SALL1: variants seen among roughly 807,000 people sequenced by gnomAD.
SALL1 encodes the protein spalt like transcription factor 1, also known as sal-like protein 1.
Under a neutral mutation model 73.1 loss-of-function variants are expected in SALL1, and 10 were observed. That is an observed-to-expected ratio of 0.14 (90% CI 0.08 to 0.23). The LOEUF is 0.23. SALL1 is among the 10% of genes least tolerant of loss of function. SALL1 has a pLI of 1.00. For synonymous variants in SALL1, 688 were observed against 689.8 expected, an observed-to-expected ratio of 1.00 and a Z score of 0.04; for missense variants, 1,520 against 1,697.3, an observed-to-expected ratio of 0.90 and a Z score of 1.84.
chr16:51,141,092 G>C lies in SALL1; in HGVS notation c.1130C>G (p.Ala377Gly). The change falls in exon 2 of 3, where the codon GCT (alanine) becomes GGT (glycine). Residue 377 changes from alanine (A) to glycine (G), a missense_variant. Physicochemically the swap from Ala to Gly is moderately conservative, Grantham distance 60. Around this residue, in one of 7 missense-constraint regions of SALL1, gnomAD observed 540 missense variants for 567.5 expected, o/e 0.95. Coordinates refer to ENST00000251020, the MANE Select transcript of SALL1 (RefSeq NM_002968.3). The surrounding 1 kb of genome is among the most constrained non-coding windows in gnomAD (Gnocchi z 5.4). ...ACTTAATAAACTGCTTATTGCAAAA[G>C]CTGGTGAGGACGATGATGAGACCGC... Reference protein sequence around the residue: ...NPAVSSSSSPAFAISSLLSPA... With the variant: ...NPAVSSSSSPGFAISSLLSPA... The C allele has an allele frequency of 6.2e-7, 1 of 1,614,248 alleles. No individual in the cohort carries two copies. The highest frequency in any genetic ancestry group is 1.3e-5 in the African/African-American group (1 of 75,056).
intron 1 of SALL1, among the ~76,000 whole-genome samples, chr16:51,146,967 G>A (rs911017974): frequency 6.6e-6 from 1 of 152,156 alleles, no homozygotes; most frequent in African/African-American, 2.4e-5. Flanking sequence ...GTTGTAGAAG[G>A]AGTTTATTCT....
intron 1 of SALL1, chr16:51,143,413 G>GAAAAAA: frequency 8.1e-6 from 1 of 123,804 alleles, no homozygotes; most frequent in Non-Finnish European, 1.6e-5. Context: ...CGAAGGCTGT[G>GAAAAAA]AAGAAAAAAA....
intron 1 of SALL1, 34 bp downstream of exon 1, chr16:51,151,128 CGTGT>C (rs200502187): frequency 5.5e-5 from 82 of 1,484,592 alleles, no homozygotes; most frequent in Admixed American, 7.6e-5. Context: ...AGTGTGAGTG[CGTGT>C]GTGTGTGTCC....
In SALL1 at chr16:51,141,575, C is replaced by G. The variant is rs779053475; in HGVS notation, c.647G>C (p.Cys216Ser). The change falls in exon 2 of 3, where the codon TGC becomes TCC. Residue 216 changes from cysteine (C) to serine (S), a missense_variant. Coordinates refer to ENST00000251020, the MANE Select transcript of SALL1 (RefSeq NM_002968.3). This position sits in a 1 kb window ranked among gnomAD's most constrained non-coding sequence, Gnocchi z 5.4. ...AVAQFSQEAR[C>S]GGASGGKLAV... ...CAGCTTGCCCCCAGAGGCCCCGCCG[C>G]ACCTCGCTTCCTGGGAGAACTGGGC... is the stretch of plus-strand genomic sequence containing the variant. 6 of 1,614,168 alleles carry G rather than the reference C, an allele frequency of 3.7e-6. No homozygotes were observed. The South Asian group carries it at 6.6e-5, about 18-fold the overall frequency.
intron 1 of SALL1, chr16:51,149,135 G>A (rs2143472993): frequency 6.6e-6 from 1 of 152,652 alleles, no homozygotes; most frequent in East Asian, 1.9e-4. Flanking sequence ...AAAGAATAAT[G>A]GTAAGAGGTA....
chr16:51,150,485 T>C (rs1567319171), intron 1 of SALL1: 2 of 985,560 alleles, frequency 2.0e-6, no homozygotes, highest in African/African-American at 3.5e-5. Context: ...TTGCACCGTC[T>C]CCGGAACAAC....
Position 51,140,563 on chromosome 16 carries a change from A to G in SALL1, c.1659T>C (p.Thr553=), listed in dbSNP as rs1962405639. Residue 553 remains threonine, a synonymous_variant, in exon 2 of 3, where the codon ACT becomes ACC. Transcript: ENST00000251020. The surrounding 1 kb of genome is among the most constrained non-coding windows in gnomAD (Gnocchi z 5.7). ...DTKPVLPTLT[T]SVGLPLPPTL... is the part of the protein sequence containing the mutation. ...TTGGGGGCAACGGCAGGCCGACTGA[A>G]GTGGTCAGAGTAGGCAGGACTGGTT... 6.2e-7 allele frequency: 1 copy of G among 1,613,932 alleles called. No homozygotes were observed. The highest frequency in any genetic ancestry group is 1.1e-5 in the South Asian group (1 of 91,048).
Position 51,137,555 on chromosome 16 carries a change from G to A in SALL1, c.3535-3C>T, listed in dbSNP as rs746130721. 2 of 1,608,638 alleles carry A rather than the reference G, an allele frequency of 1.2e-6. No homozygotes were observed. The highest frequency in any genetic ancestry group is 1.7e-6 in the Non-Finnish European group (2 of 1,176,006). On this transcript the variant is annotated splice_polypyrimidine_tract_variant and splice_region_variant and intron_variant, in intron 2 of 2. Coordinates refer to ENST00000251020, the MANE Select transcript of SALL1 (RefSeq NM_002968.3). The stretch of plus-strand genomic sequence containing the variant: ...CACATGTGAGTGCCCATGTGTACCT[G>A]AGATATGGGGAGGGCAGGCAGAGAG...
rs1962374909 is a variant in SALL1 at position 51,139,592 on chromosome 16, A to G, written c.2630T>C (p.Leu877Pro). 4 of 1,613,784 alleles carry G rather than the reference A, an allele frequency of 2.5e-6. No individual in the cohort carries two copies. Among genetic ancestry groups the G allele is most frequent in the Non-Finnish European group, 3.4e-6 (4 of 1,179,784 alleles). ...CAGGCTGGCCTGTAGCTGCTCTGCC[A>G]GGCCAGCATTGATCATCTTCATCTG... is the stretch of plus-strand genomic sequence containing the variant. Reference protein sequence around the residue: ...ENQMKMINAGLAEQLQASLKS... With the variant: ...ENQMKMINAGPAEQLQASLKS... Residue 877 changes from leucine (L) to proline (P), a missense_variant, in exon 2 of 3, where the codon CTG becomes CCG. Physicochemically the swap from Leu to Pro is moderately conservative, Grantham distance 98. Around this residue, in one of 7 missense-constraint regions of SALL1, gnomAD observed 266 missense variants for 275.1 expected, o/e 0.97. Coordinates refer to ENST00000251020, the MANE Select transcript of SALL1 (RefSeq NM_002968.3).
intron 1 of SALL1, chr16:51,150,873 G>A: frequency 3.0e-6 from 1 of 329,518 alleles, no homozygotes; most frequent in Non-Finnish European, 5.5e-6. Context: ...GAAAAGCAGG[G>A]ACGGAGAAGC....
At position 51,139,577 on chromosome 16, in the gene SALL1, T is replaced by A. The variant is rs145183682; in HGVS notation, c.2645A>T (p.Gln882Leu). ...ATTCTCCACTGACTTCAGGCTGGCC[T>A]GTAGCTGCTCTGCCAGGCCAGCATT... The part of the protein sequence containing the change: ...MINAGLAEQL[Q>L]ASLKSVENGS... The change falls in exon 2 of 3, where the codon CAG becomes CTG. Residue 882 changes from glutamine to leucine, a missense_variant. By Grantham distance (113) the Gln-to-Leu change is moderately radical. Coordinates refer to ENST00000251020, the MANE Select transcript of SALL1 (RefSeq NM_002968.3). The A allele has an allele frequency of 2.5e-6, 4 of 1,614,032 alleles. No homozygotes were observed. The African/African-American group carries it at 5.3e-5, about 22-fold the overall frequency.
rs779523848 is a variant in SALL1, at chr16:51,140,284, C to T, written c.1938G>A (p.Ala646=). Residue 646 remains alanine (A), a synonymous_variant, in exon 2 of 3, where the codon GCG becomes GCA. Coordinates refer to ENST00000251020, the MANE Select transcript of SALL1 (RefSeq NM_002968.3). This position sits in a 1 kb window ranked among gnomAD's most constrained non-coding sequence, Gnocchi z 5.7. ...CACTGCCCGCGGGGCCGCAGTCTGC[C>T]GCTGGGGAGCTCAGGACGCTACTGC... The part of the protein sequence containing the change: ...TASSSVLSSP[A]ADCGPAGSAT... 21 of 1,613,978 alleles carry T rather than the reference C, an allele frequency of 1.3e-5. No individual in the cohort carries two copies. The highest frequency in any genetic ancestry group is 2.7e-5 in the African/African-American group (2 of 74,916).
In SALL1 at chr16:51,137,330, A is replaced by G. The variant is rs751087975; in HGVS notation, c.3757T>C (p.Ser1253Pro). ...GGGATGCCACCGTTCTGAATGACGG[A>G]GATCTCGTTGGCCTTCATCGCCAGC... is the stretch of plus-strand genomic sequence containing the variant. ...NGLAMKANEISVIQNGGIPPI... is the reference protein window; with the variant it reads ...NGLAMKANEIPVIQNGGIPPI... Residue 1253 changes from serine to proline, a missense_variant, in exon 3 of 3, where the codon TCC (serine) becomes CCC (proline). Ser to Pro is a moderately conservative substitution (Grantham distance 74, BLOSUM62 -1). Transcript: ENST00000251020. The G allele has an allele frequency of 1.2e-6, 2 of 1,614,100 alleles. No individual in the cohort carries two copies. The highest frequency in any genetic ancestry group is 2.2e-5 in the South Asian group (2 of 91,082).
At chr16:51,144,831 A>C (rs1962492229) in intron 1 of SALL1, among the ~76,000 whole-genome samples, 1 of 152,120 alleles carries the variant, frequency 6.6e-6, no homozygotes, top group Non-Finnish European at 1.5e-5. Context: ...AAATAAATGC[A>C]AATGCCTGCT....
At chr16:51,151,399 T>A (rs1962605014), upstream of SALL1, 1 of 246,524 alleles carries the variant, frequency 4.1e-6, no homozygotes, top group Non-Finnish European at 7.2e-6. Flanking sequence ...AGCGCGCATG[T>A]GTCCTGCTAT....
chr16:51,138,366 G>GCTGT (rs10651720), intron 2 of SALL1, among the ~76,000 whole-genome samples: 150,659 of 152,168 alleles, frequency 0.99, 74,607 homozygotes, highest in East Asian at 1. Flanking sequence ...GCAACGCTAG[G>GCTGT]CTTTCTTGGT....
At position 51,138,329 on chromosome 16, in the gene SALL1, G is replaced by A. The variant is rs1489344131; in HGVS notation, c.3534+359C>T. 4.6e-5 allele frequency among the ~76,000 whole-genome samples: 7 copies of A among 150,930 alleles called. No homozygotes were observed. The South Asian group carries it at 8.6e-4, about 19-fold the overall frequency. Reference sequence around the variant, plus strand: ...GTGATACGGGCAGCACACAGGCCACGTGGAGGTCTTTAATCAATACCCCAT... The same window carrying A: ...GTGATACGGGCAGCACACAGGCCACATGGAGGTCTTTAATCAATACCCCAT... On this transcript the variant is annotated intron_variant, in intron 2 of 2. Coordinates refer to ENST00000251020, the MANE Select transcript of SALL1 (RefSeq NM_002968.3).
rs1274949305 is a variant in SALL1 at position 51,140,722 on chromosome 16, T to C, written c.1500A>G (p.Lys500=). The change falls in exon 2 of 3, where the codon AAA becomes AAG. Residue 500 remains lysine, a synonymous_variant. Coordinates refer to ENST00000251020, the MANE Select transcript of SALL1 (RefSeq NM_002968.3). This position sits in a 1 kb window ranked among gnomAD's most constrained non-coding sequence, Gnocchi z 5.7. ...TCATCTGGATATGAGGGTATTTCTC[T>C]TTGTGGCGCTGAAAGTGGACTTTCA... ...GNLKVHFQRH[K]EKYPHIQMNP... 2 of 1,614,178 alleles carry C rather than the reference T, an allele frequency of 1.2e-6. No individual in the cohort carries two copies. Among genetic ancestry groups the C allele is most frequent in the Admixed American group, 3.3e-5 (2 of 60,024 alleles).
Position 51,141,922 on chromosome 16 carries a change from G to A in SALL1, c.300C>T (p.Asp100=), listed in dbSNP as rs1567316646. 2 of 1,613,260 alleles carry A rather than the reference G, an allele frequency of 1.2e-6. No individual in the cohort carries two copies. The highest frequency in any genetic ancestry group is 1.3e-5 in the African/African-American group (1 of 74,794). Residue 100 remains aspartate (D), a synonymous_variant, in exon 2 of 3, where the codon GAC becomes GAT. Coordinates refer to ENST00000251020, the MANE Select transcript of SALL1 (RefSeq NM_002968.3). This position sits in a 1 kb window ranked among gnomAD's most constrained non-coding sequence, Gnocchi z 5.4. ...CCACTTGATCTGTTTTGTTAACTGTGTCATTCATTTGTTCATCAGGATTAT... is the reference window on the plus strand; with the variant it reads ...CCACTTGATCTGTTTTGTTAACTGTATCATTCATTTGTTCATCAGGATTAT... The part of the protein sequence containing the change: ...PPDNPDEQMN[D]TVNKTDQVDC...
Sources: gnomAD v4.1 joint callset for allele counts (sites outside exome capture counted in the v4.1 genomes callset) on GRCh38, gnomAD v4.1.1 for gene constraint, gnomAD v4.1.1 regional missense constraint, Gnocchi (gnomAD v3.1) non-coding constraint, MANE v1.5 for transcripts, NCBI Gene and HGNC (gene_info 2026-07-23, HGNC 2026-07-21) for gene names.